Variants in CDH4 observed in about 807,000 individuals in gnomAD.
The protein encoded by CDH4 is cadherin-4.
CDH4 carries 33 observed loss-of-function variants against 86.0 expected under a neutral mutation model. That is an observed-to-expected ratio of 0.38 (90% CI 0.29 to 0.51). The LOEUF is 0.51. CDH4 is among the 20% of genes least tolerant of loss of function. The pLI is 0.86. For missense variants in CDH4, 1,114 were observed against 1,307.4 expected, an observed-to-expected ratio of 0.85 and a Z score of 2.28; for synonymous variants, 555 against 549.4, an observed-to-expected ratio of 1.01 and a Z score of -0.14.
At chr20:61,558,410 G>C (rs1164621838) in intron 2 of CDH4, among the ~76,000 whole-genome samples, 1 of 151,962 alleles carries the variant, frequency 6.6e-6, no homozygotes, top group East Asian at 1.9e-4. Flanking sequence ...TCTTTTCAGC[G>C]GCAAAAGTGT....
intron 2 of CDH4, among the ~76,000 whole-genome samples, chr20:61,605,102 A>AGAC (rs1352025854): frequency 3.9e-5 from 6 of 152,172 alleles, no homozygotes; most frequent in African/African-American, 1.2e-4. Context: ...GCACTTGGGA[A>AGAC]GACGTCACCC....
At chr20:61,648,887 C>G (rs1304134566) in intron 2 of CDH4, among the ~76,000 whole-genome samples, 1 of 152,186 alleles carries the variant, frequency 6.6e-6, no homozygotes, top group African/African-American at 2.4e-5. Flanking sequence ...AGGAATCCTA[C>G]TTTTATGGGA....
intron 8 of CDH4, among the ~76,000 whole-genome samples, chr20:61,909,265 C>T (rs376810661): frequency 3.3e-5 from 5 of 152,270 alleles, no homozygotes; most frequent in African/African-American, 1.2e-4. Flanking sequence ...ATCACAGCAC[C>T]GTCACATCAC....
intron 4 of CDH4, among the ~76,000 whole-genome samples, chr20:61,836,667 G>T (rs1372618959): frequency 6.6e-6 from 1 of 152,174 alleles, no homozygotes; most frequent in Non-Finnish European, 1.5e-5. Context: ...AGGAAGAGTT[G>T]GGGGGAAAAC....
At chr20:61,816,881 T>G (rs1174846437) in intron 4 of CDH4, among the ~76,000 whole-genome samples, 1 of 151,860 alleles carries the variant, frequency 6.6e-6, no homozygotes, top group Non-Finnish European at 1.5e-5. Context: ...CGCTCAGGGG[T>G]CATTTATGTT....
At chr20:61,587,248 G>T (rs951601045) in intron 2 of CDH4, among the ~76,000 whole-genome samples, 1 of 152,122 alleles carries the variant, frequency 6.6e-6, no homozygotes, top group Non-Finnish European at 1.5e-5. Flanking sequence ...GCGCTTGAAG[G>T]GGGGCCACTG....
At chr20:61,550,577 C>A (rs2086122329) in intron 2 of CDH4, among the ~76,000 whole-genome samples, 2 of 145,634 alleles carry the variant, frequency 1.4e-5, no homozygotes, top group South Asian at 4.8e-4. Flanking sequence ...CCCTTGTGTT[C>A]ATCCTTCTCA....
At chr20:61,764,843 A>G (rs2088680334) in intron 3 of CDH4, among the ~76,000 whole-genome samples, 1 of 152,110 alleles carries the variant, frequency 6.6e-6, no homozygotes, top group African/African-American at 2.4e-5. Flanking sequence ...ATCAGCAGGG[A>G]AGCCTCATGC....
At chr20:61,638,568 G>A (rs753282234) in intron 2 of CDH4, among the ~76,000 whole-genome samples, 1 of 152,116 alleles carries the variant, frequency 6.6e-6, no homozygotes, top group African/African-American at 2.4e-5. Flanking sequence ...CCAACAATGG[G>A]AAGGGCCCTG....
chr20:61,716,851 G>T (rs527683718), intron 2 of CDH4, among the ~76,000 whole-genome samples: 110 of 152,244 alleles, frequency 7.2e-4, no homozygotes, highest in Non-Finnish European at 1.4e-3. Flanking sequence ...GAGGTTGCAG[G>T]GAGCTGAGAT....
At chr20:61,680,155 ACCTCCC>A (rs2087494784) in intron 2 of CDH4, among the ~76,000 whole-genome samples, 1 of 151,644 alleles carries the variant, frequency 6.6e-6, no homozygotes, top group Non-Finnish European at 1.5e-5. Flanking sequence ...ACCCAGCACC[ACCTCCC>A]CAGGACCAGG....
intron 2 of CDH4, among the ~76,000 whole-genome samples, chr20:61,280,808 G>A (rs1211778090): frequency 3.3e-5 from 5 of 152,144 alleles, no homozygotes; most frequent in African/African-American, 4.8e-5. Flanking sequence ...CTGGTGGGGG[G>A]TTTCGATGCT....
intron 2 of CDH4, among the ~76,000 whole-genome samples, chr20:61,536,785 G>A (rs1056069252): frequency 6.6e-6 from 1 of 152,218 alleles, no homozygotes; most frequent in African/African-American, 2.4e-5. Flanking sequence ...GGTGGGTATA[G>A]TTTGGGGATG....
At chr20:61,401,225 C>A (rs190815132) in intron 2 of CDH4, among the ~76,000 whole-genome samples, 1 of 152,184 alleles carries the variant, frequency 6.6e-6, no homozygotes, top group African/African-American at 2.4e-5. Flanking sequence ...GTACTTTTCA[C>A]TCCAAATTTC....
chr20:61,479,224 A>G (rs1011685562), intron 2 of CDH4, among the ~76,000 whole-genome samples: 1 of 151,710 alleles, frequency 6.6e-6, no homozygotes, highest in African/African-American at 2.4e-5. Flanking sequence ...TAAATACTTT[A>G]AGTTCTAGGG....
intron 6 of CDH4, among the ~76,000 whole-genome samples, chr20:61,857,622 C>T (rs1345192963): frequency 6.6e-6 from 1 of 152,266 alleles, no homozygotes; most frequent in African/African-American, 2.4e-5. Context: ...TCGCCACTTT[C>T]GTCTGCTGCG....
At chr20:61,855,221 A>C (rs1184165561) in intron 6 of CDH4, among the ~76,000 whole-genome samples, 1 of 151,978 alleles carries the variant, frequency 6.6e-6, no homozygotes, top group Non-Finnish European at 1.5e-5. Flanking sequence ...CAGTGTGAAC[A>C]GGGTGAATTG....
At position 61,582,340 on chromosome 20, in the gene CDH4, T is replaced by C. The variant is rs2086435677; in HGVS notation, c.170-161223T>C. Among the ~76,000 whole-genome samples, 1 of 152,196 alleles carries C rather than the reference T, an allele frequency of 6.6e-6. No homozygotes were observed. The highest frequency in any genetic ancestry group is 2.1e-4 in the South Asian group (1 of 4,834). ...CTGCACGGATCCGCTCTCCTCCTTA[T>C]TGTTCAAGCGCAGTGAAAAAGGCAG... On this transcript the variant is annotated intron_variant, in intron 2 of 15. Coordinates refer to ENST00000614565, the MANE Select transcript of CDH4 (RefSeq NM_001794.5). The surrounding 1 kb of genome is among the most constrained non-coding windows in gnomAD (Gnocchi z 4.2).
intron 2 of CDH4, among the ~76,000 whole-genome samples, chr20:61,697,737 G>T (rs879402970): frequency 6.6e-6 from 1 of 152,186 alleles, no homozygotes; most frequent in South Asian, 2.1e-4. Flanking sequence ...GTATCTCCCC[G>T]GAGGGACGTC....
Sources: gnomAD v4.1 joint callset for allele counts (sites outside exome capture counted in the v4.1 genomes callset) on GRCh38, gnomAD v4.1.1 for gene constraint, Gnocchi (gnomAD v3.1) non-coding constraint, MANE v1.5 for transcripts, NCBI Gene and HGNC (gene_info 2026-07-23, HGNC 2026-07-21) for gene names.